NBPF9: variants seen among roughly 807,000 people sequenced by gnomAD.
The protein encoded by NBPF9 is NBPF member 9.
A neutral mutation model predicts 97.8 loss-of-function variants in NBPF9; 91 were observed. The ratio of observed to expected loss-of-function variants is 0.93; its 90% CI spans 0.79 to 1.11. NBPF9 has a LOEUF of 1.11. Among genes scored for constraint, NBPF9 ranks in the 50% least tolerant of loss-of-function variants. NBPF9 has a pLI of 0.00. For missense variants in NBPF9, 992 were observed against 939.5 expected, an observed-to-expected ratio of 1.06 and a Z score of -0.73; for synonymous variants, 334 against 359.5, an observed-to-expected ratio of 0.93 and a Z score of 0.80.
rs781798079 is a variant in NBPF9 at position 149,062,141 on chromosome 1, C to G, written c.2203G>C (p.Val735Leu). 2.9e-6 allele frequency: 3 copies of G among 1,049,260 alleles called. No homozygotes were observed. The Admixed American group carries it at 5.1e-5, about 18-fold the overall frequency. The allele number at this position is 1,049,260 out of a possible 1,614,324, so 65.0% of individuals were successfully genotyped here. A position where few individuals can be genotyped will look rare whatever the true frequency, so the allele number is the denominator to read the frequency against. Residue 735 changes from valine to leucine, a missense_variant, in exon 22 of 30, where the codon GTT becomes CTT. Transcript: ENST00000584027. ...AGGTACTGTTCCTCCAATGAGTAAA[C>G]AGCACTGCTGTAGGGCTGGCCTAAG...
intron 4 of NBPF9, among the ~76,000 whole-genome samples, chr1:149,097,746 G>C (rs1399888271): frequency 6.6e-6 from 1 of 152,098 alleles, no homozygotes. Context: ...CTCTAGCCCA[G>C]AGCAGGGCAT....
intron 18 of NBPF9, chr1:149,065,027 G>T (rs1441763610): frequency 1.8e-6 from 1 of 560,550 alleles, no homozygotes; most frequent in African/African-American, 1.9e-5. Flanking sequence ...TAAAACAAGC[G>T]AACTTAGAAG....
chr1:149,055,584 T>C (rs1461842428), exon 30 of NBPF9: 5 of 1,541,576 alleles, frequency 3.2e-6, no homozygotes, highest in Non-Finnish European at 4.4e-6. Context: ...GGAACTGTAC[T>C]TTCATTCAAA....
At chr1:149,074,279 T>G (rs1367766038) in intron 12 of NBPF9, among the ~76,000 whole-genome samples, 25 of 151,342 alleles carry the variant, frequency 1.7e-4, no homozygotes, top group African/African-American at 6.0e-4. Flanking sequence ...ACTGATGGTT[T>G]CCCTTTTACT....
intron 27 of NBPF9, among the ~76,000 whole-genome samples, chr1:149,057,750 C>CAG (rs2078312819): frequency 6.3e-5 from 6 of 95,504 alleles, no homozygotes; most frequent in African/African-American, 1.4e-4. Context: ...CACACACACA[C>CAG]ACAGAGAGAG....
chr1:149,064,215 T>C (rs1387116837), intron 19 of NBPF9, among the ~76,000 whole-genome samples: 1 of 139,586 alleles, frequency 7.2e-6, no homozygotes, highest in East Asian at 2.1e-4. Context: ...GCTTTTGAGG[T>C]ATGGTCAACT....
chr1:149,076,628 G>A (rs1185817509), intron 11 of NBPF9, among the ~76,000 whole-genome samples: 1 of 149,504 alleles, frequency 6.7e-6, no homozygotes, highest in Admixed American at 6.7e-5. Context: ...TCAGCCTCCT[G>A]AGTAGCTGGG....
intron 1 of NBPF9, among the ~76,000 whole-genome samples, 197 bp from the exon 2 acceptor site, chr1:149,103,044 G>A (rs1329276358): frequency 3.0e-4 from 45 of 152,110 alleles, no homozygotes; most frequent in East Asian, 9.7e-4. Context: ...CCACCCCCTG[G>A]GATGCCACAG....
In NBPF9 at chr1:149,075,674, G is replaced by A. The variant is rs782493402; in HGVS notation, c.969C>T (p.Ala323=). The A allele has an allele frequency of 3.5e-5, 56 of 1,610,000 alleles. No individual in the cohort carries two copies. In the South Asian group the frequency reaches 5.5e-4, roughly 16 times the overall value. Residue 323 remains alanine (A), a synonymous_variant, in exon 12 of 30, where the codon GCC becomes GCT. Coordinates refer to ENST00000584027, the Ensembl canonical transcript of NBPF9. ...TCTTACTGTATTTGTTCTGCTGGTT[G>A]GCCAGGAAGCCGGCCAGTTGAGTTA...
At chr1:149,069,903 T>A (rs2079269647) in intron 16 of NBPF9, among the ~76,000 whole-genome samples, 1 of 119,530 alleles carries the variant, frequency 8.4e-6, no homozygotes, top group Admixed American at 9.0e-5. Flanking sequence ...TTAAACAAAA[T>A]TTTTTCCCCA....
At chr1:149,062,356 T>C (rs1375625689) in intron 21 of NBPF9, 91 bp from the exon 22 acceptor site, 2 of 629,892 alleles carry the variant, frequency 3.2e-6, no homozygotes, top group South Asian at 1.8e-5. Flanking sequence ...TAAGGAACTG[T>C]TTAAAAAGAA....
chr1:149,085,943 G>A (rs587630436), intron 5 of NBPF9, among the ~76,000 whole-genome samples: 3 of 150,864 alleles, frequency 2.0e-5, no homozygotes, highest in African/African-American at 7.3e-5. Context: ...CAGCCCCAAG[G>A]AGCCACTGTC....
chr1:149,062,195 T>A, exon 22 of NBPF9: 1 of 999,802 alleles, frequency 1.0e-6, no homozygotes, highest in Non-Finnish European at 1.6e-6. Flanking sequence ...CCTGAAGGAG[T>A]CGAATACCAT....
intron 5 of NBPF9, 136 bp from the exon 6 acceptor site, chr1:149,082,566 CT>C (rs1258744361): frequency 1.3e-5 from 7 of 555,908 alleles, no homozygotes; most frequent in Non-Finnish European, 1.9e-5. Flanking sequence ...GGGATCATTC[CT>C]TCAGCATTCA....
intron 8 of NBPF9, among the ~76,000 whole-genome samples, chr1:149,079,591 A>G (rs2080228703): frequency 6.7e-6 from 1 of 148,826 alleles, no homozygotes; most frequent in Non-Finnish European, 1.5e-5. Flanking sequence ...AAAGCCATGT[A>G]CAGAAATGAG....
intron 5 of NBPF9, among the ~76,000 whole-genome samples, chr1:149,089,641 G>A (rs1429352152): frequency 1.3e-5 from 2 of 152,308 alleles, no homozygotes; most frequent in African/African-American, 4.8e-5. Context: ...ATAACGCTAG[G>A]TGACACTAAT....
chr1:149,089,960 G>A (rs587774110), intron 5 of NBPF9, among the ~76,000 whole-genome samples: 71 of 152,184 alleles, frequency 4.7e-4, no homozygotes, highest in African/African-American at 1.3e-3. Context: ...AGCCACTGTC[G>A]GCTGCTCATT....
At chr1:149,094,170 T>G (rs587664890) in intron 4 of NBPF9, among the ~76,000 whole-genome samples, 1 of 151,758 alleles carries the variant, frequency 6.6e-6, no homozygotes, top group South Asian at 2.1e-4. Context: ...GGTTCACTAC[T>G]TAACTCCAAA....
rs1378369959 is a variant in NBPF9, at chr1:149,067,271, A to G, written c.1638-1582T>C. Among the ~76,000 whole-genome samples the G allele has an allele frequency of 1.6e-5, 2 of 121,350 alleles. 1 individual carries two copies. The highest frequency in any genetic ancestry group is 3.5e-5 in the Non-Finnish European group (2 of 57,102). 79.6% of individuals were successfully genotyped at this position (121,350 alleles called of 152,430 possible). A position where few individuals can be genotyped will look rare whatever the true frequency, so the allele number is the denominator to read the frequency against. ...AACATTCTTTTTTTTTTCCATATGT[A>G]TAGTTTTCCTTTATTATTTTTTGTG... On this transcript the variant is annotated intron_variant, in intron 17 of 29. Transcript: ENST00000584027.
Sources: gnomAD v4.1 joint callset for allele counts (sites outside exome capture counted in the v4.1 genomes callset) on GRCh38, gnomAD v4.1.1 for gene constraint, MANE v1.5 for transcripts, NCBI Gene and HGNC (gene_info 2026-07-23, HGNC 2026-07-21) for gene names.